The following DOCK2 variants were observed in gnomAD, a reference collection of about 807,000 sequenced individuals.
DOCK2 encodes dedicator of cytokinesis protein 2.
A neutral mutation model predicts 248.9 loss-of-function variants in DOCK2; 87 were observed. The observed-to-expected ratio is 0.35, with a 90% CI of 0.29 to 0.42. The LOEUF is 0.42. DOCK2 is among the 10% of genes least tolerant of loss of function. DOCK2 has a pLI of 1.00. For missense variants in DOCK2, 1,747 were observed against 2,300.2 expected, an observed-to-expected ratio of 0.76 and a Z score of 4.92; for synonymous variants, 805 against 821.6, an observed-to-expected ratio of 0.98 and a Z score of 0.35.
At chr5:169,708,104 C>A in intron 14 of DOCK2, 65 bp from the exon 15 acceptor site, 1 of 1,562,474 alleles carries the variant, frequency 6.4e-7, no homozygotes, top group African/African-American at 1.3e-5. Flanking sequence ...AGGGACCAAA[C>A]CTGCACAAGC....
intron 27 of DOCK2, among the ~76,000 whole-genome samples, chr5:169,908,430 C>G (rs1180282847): frequency 1.3e-5 from 2 of 152,010 alleles, no homozygotes; most frequent in South Asian, 4.1e-4. Flanking sequence ...AAAACTAATC[C>G]CCAAATCATG....
chr5:169,765,068 GCGCACA>G (rs1398218280), intron 25 of DOCK2, among the ~76,000 whole-genome samples: 2 of 79,664 alleles, frequency 2.5e-5, no homozygotes, highest in African/African-American at 7.7e-5. Context: ...GGCTCTTTTA[GCGCACA>G]CACACACACA....
chr5:169,793,076 G>A (rs904550658), intron 25 of DOCK2, among the ~76,000 whole-genome samples: 3 of 152,116 alleles, frequency 2.0e-5, no homozygotes, highest in East Asian at 1.9e-4. Context: ...TCCTGCCATC[G>A]GAGAGATGTT....
chr5:169,938,552 A>C (rs1776092798), intron 27 of DOCK2, among the ~76,000 whole-genome samples: 1 of 152,218 alleles, frequency 6.6e-6, no homozygotes, highest in Admixed American at 6.5e-5. Flanking sequence ...TATGGTATGA[A>C]ATAAAAAATG....
chr5:169,868,082 C>G (rs1467866811), intron 27 of DOCK2, among the ~76,000 whole-genome samples: 1 of 152,072 alleles, frequency 6.6e-6, no homozygotes, highest in African/African-American at 2.4e-5. Context: ...GAGTGGGTAC[C>G]CCCTCTAAGA....
chr5:169,657,255 T>C (rs1758175231), intron 2 of DOCK2, among the ~76,000 whole-genome samples: 1 of 152,194 alleles, frequency 6.6e-6, no homozygotes, highest in African/African-American at 2.4e-5. Context: ...TCTGGTGTTG[T>C]CTGCCTTCAG....
At chr5:169,805,885 A>G (rs183071585) in intron 26 of DOCK2, among the ~76,000 whole-genome samples, 5 of 152,218 alleles carry the variant, frequency 3.3e-5, no homozygotes, top group East Asian at 1.9e-4. Context: ...GTGCTCTTAT[A>G]ATGAATTCTG....
intron 2 of DOCK2, among the ~76,000 whole-genome samples, chr5:169,654,814 G>T (rs982157383): frequency 6.6e-6 from 1 of 152,144 alleles, no homozygotes; most frequent in Non-Finnish European, 1.5e-5. Flanking sequence ...GCATCATTAG[G>T]GTTTGGAAGG....
intron 22 of DOCK2, among the ~76,000 whole-genome samples, chr5:169,719,198 T>C (rs1762065167): frequency 6.6e-6 from 1 of 152,232 alleles, no homozygotes; most frequent in African/African-American, 2.4e-5. Flanking sequence ...AATAAGCTGG[T>C]ATTTGCAGTT....
intron 25 of DOCK2, among the ~76,000 whole-genome samples, chr5:169,781,334 T>C (rs1312793953): frequency 6.6e-6 from 1 of 152,246 alleles, no homozygotes; most frequent in African/African-American, 2.4e-5. Flanking sequence ...ATTCAAGACC[T>C]GCTGTGCTAA....
chr5:169,708,068 C>T, intron 14 of DOCK2, 101 bp from the exon 15 acceptor site: 1 of 1,242,506 alleles, frequency 8.0e-7, no homozygotes, highest in African/African-American at 1.5e-5. Context: ...CAGGGTTGGC[C>T]CAGGCCCTAA....
intron 25 of DOCK2, 83 bp from the exon 26 acceptor site, chr5:169,802,975 A>T: frequency 1.4e-6 from 2 of 1,460,042 alleles, no homozygotes; most frequent in Non-Finnish European, 1.9e-6. Flanking sequence ...CTATTTATTT[A>T]ATGAAACATT....
At chr5:169,882,143 C>T (rs1466963704) in intron 27 of DOCK2, among the ~76,000 whole-genome samples, 2 of 152,134 alleles carry the variant, frequency 1.3e-5, no homozygotes, top group Non-Finnish European at 1.5e-5. Context: ...AGTCCTTTGT[C>T]ACAATGACAT....
chr5:169,656,487 ATT>A (rs958369045), intron 2 of DOCK2, among the ~76,000 whole-genome samples: 19 of 152,100 alleles, frequency 1.2e-4, no homozygotes, highest in African/African-American at 4.6e-4. Flanking sequence ...CCACGCCTGT[ATT>A]TTCAATAGAG....
chr5:169,754,561 A>C (rs1001894349), intron 23 of DOCK2, among the ~76,000 whole-genome samples: 2 of 152,186 alleles, frequency 1.3e-5, no homozygotes, highest in South Asian at 4.1e-4. Flanking sequence ...TTCAAAAACT[A>C]TTCTTACAAA....
chr5:169,802,934 T>A, intron 25 of DOCK2, 124 bp from the exon 26 acceptor site: 1 of 1,222,612 alleles, frequency 8.2e-7, no homozygotes. Context: ...TTTAATATTT[T>A]AATTTTTTAC....
intron 2 of DOCK2, among the ~76,000 whole-genome samples, chr5:169,666,223 T>C (rs1018209023): frequency 6.6e-6 from 1 of 152,154 alleles, no homozygotes; most frequent in African/African-American, 2.4e-5. Context: ...AACTCTCCTG[T>C]AAGGGCACTA....
chr5:169,736,609 G>A (rs192651918), intron 22 of DOCK2, among the ~76,000 whole-genome samples: 7 of 152,238 alleles, frequency 4.6e-5, no homozygotes, highest in Admixed American at 4.6e-4. Context: ...GGCATCTGTG[G>A]GTTTCTCAGC....
At chr5:169,638,529 A>G (rs2113061154) in intron 1 of DOCK2, among the ~76,000 whole-genome samples, 1 of 152,312 alleles carries the variant, frequency 6.6e-6, no homozygotes, top group African/African-American at 2.4e-5. Flanking sequence ...GGAAGTAATA[A>G]TAATGCAGGT....
Sources: gnomAD v4.1 joint callset for allele counts (sites outside exome capture counted in the v4.1 genomes callset) on GRCh38, gnomAD v4.1.1 for gene constraint, MANE v1.5 for transcripts, NCBI Gene and HGNC (gene_info 2026-07-23, HGNC 2026-07-21) for gene names.